The following LIMCH1 variants were observed in gnomAD, a reference collection of about 807,000 sequenced individuals.
LIMCH1 encodes LIM and calponin homology domains 1, also known as LIM and calponin homology domains-containing protein 1.
Under a neutral mutation model 176.5 loss-of-function variants are expected in LIMCH1, and 113 were observed. The observed-to-expected ratio is 0.64, with a 90% CI of 0.55 to 0.75. The LOEUF (loss-of-function observed/expected upper bound fraction) is 0.75. LIMCH1 is among the 30% of genes least tolerant of loss of function. The probability of loss-of-function intolerance (pLI) is 0.00; values close to 1 mark genes in which losing one functional copy is unlikely to be tolerated. For synonymous variants in LIMCH1, 619 were observed against 645.9 expected, an observed-to-expected ratio of 0.96 and a Z score of 0.63; for missense variants, 1,674 against 1,814.9, an observed-to-expected ratio of 0.92 and a Z score of 1.41.
intron 1 of LIMCH1, among the ~76,000 whole-genome samples, chr4:41,376,857 A>G (rs2054842714): frequency 6.6e-6 from 1 of 152,160 alleles, no homozygotes; most frequent in South Asian, 2.1e-4. Flanking sequence ...GGGGTGATGG[A>G]AATGTTCTGG....
At chr4:41,494,723 C>T in intron 2 of LIMCH1, 2 of 682,080 alleles carry the variant, frequency 2.9e-6, no homozygotes, top group Non-Finnish European at 4.9e-6. Flanking sequence ...GAATCTGAAA[C>T]TCAAAAAATC....
chr4:41,630,521 A>G (rs896997954), intron 9 of LIMCH1, among the ~76,000 whole-genome samples: 3 of 152,208 alleles, frequency 2.0e-5, no homozygotes, highest in African/African-American at 7.2e-5. Flanking sequence ...AGATTTTCTT[A>G]TGCCCTTGTT....
chr4:41,361,369 C>A (rs2154090304), intron 1 of LIMCH1, among the ~76,000 whole-genome samples: 1 of 152,310 alleles, frequency 6.6e-6, no homozygotes, highest in East Asian at 1.9e-4. Flanking sequence ...CACATTTCGC[C>A]CCTTGTCCCC....
intron 1 of LIMCH1, among the ~76,000 whole-genome samples, chr4:41,391,900 C>T (rs1169289539): frequency 1.3e-5 from 2 of 152,144 alleles, no homozygotes; most frequent in Admixed American, 6.5e-5. Context: ...GATAAATGCA[C>T]TATGGTTAGA....
intron 2 of LIMCH1, among the ~76,000 whole-genome samples, chr4:41,518,533 T>A (rs1215504381): frequency 2.0e-5 from 3 of 152,218 alleles, no homozygotes; most frequent in African/African-American, 7.2e-5. Flanking sequence ...AATTGGAACA[T>A]TAGCATCATT....
At chr4:41,588,092 C>T (rs1369100289) in intron 1 of LIMCH1, among the ~76,000 whole-genome samples, 1 of 151,984 alleles carries the variant, frequency 6.6e-6, no homozygotes, top group African/African-American at 2.4e-5. Context: ...CCCTTCCCCC[C>T]ACCCCACAAC....
In LIMCH1 at chr4:41,632,842, C is replaced by T. The variant is rs77334594; in HGVS notation, c.1695C>T (p.Gly565=). Reference sequence around the variant, plus strand: ...AGGAAGAGTGGGTCTGCAGTTTGGGCGAGTGCCCGAGGGGGACAGAGGAAG... The same window carrying T: ...AGGAAGAGTGGGTCTGCAGTTTGGGTGAGTGCCCGAGGGGGACAGAGGAAG... ...ESQEEWVCSL[G]ECPRGTEEVT... is the part of the protein sequence containing the mutation. Residue 565 remains glycine (G), a synonymous_variant, in exon 11 of 32, where the codon GGC becomes GGT. Coordinates refer to ENST00000503057, the MANE Select transcript of LIMCH1 (RefSeq NM_001330672.2). 6,081 of 1,536,116 alleles carry T rather than the reference C, an allele frequency of 4.0e-3. 388 individuals are homozygous for T. The East Asian group carries it at 0.13, about 32-fold the overall frequency.
At chr4:41,434,759 C>T (rs572248534) in intron 1 of LIMCH1, among the ~76,000 whole-genome samples, 5 of 152,310 alleles carry the variant, frequency 3.3e-5, no homozygotes, top group Admixed American at 6.5e-5. Flanking sequence ...TCAGATGATC[C>T]GCCAGTCTTG....
At chr4:41,475,346 G>A (rs976570919) in intron 1 of LIMCH1, among the ~76,000 whole-genome samples, 1 of 152,184 alleles carries the variant, frequency 6.6e-6, no homozygotes, top group African/African-American at 2.4e-5. Context: ...TTGGAGCACT[G>A]CAATTGGATT....
At chr4:41,461,312 C>T (rs904247646) in intron 1 of LIMCH1, among the ~76,000 whole-genome samples, 26 of 152,178 alleles carry the variant, frequency 1.7e-4, no homozygotes, top group African/African-American at 6.3e-4. Flanking sequence ...TTCTCTCACT[C>T]GAGTCCTAGA....
intron 1 of LIMCH1, among the ~76,000 whole-genome samples, chr4:41,578,569 A>G (rs139604813): frequency 1.3e-5 from 2 of 152,274 alleles, no homozygotes; most frequent in African/African-American, 2.4e-5. Context: ...ATTCTTATTC[A>G]TCTTGGCCAA....
intron 1 of LIMCH1, among the ~76,000 whole-genome samples, chr4:41,590,037 T>C (rs1273745300): frequency 1.3e-5 from 2 of 152,164 alleles, no homozygotes; most frequent in Non-Finnish European, 2.9e-5. Flanking sequence ...AGAGAGGTGC[T>C]CATATCTTCC....
chr4:41,513,534 T>C (rs557755047), intron 2 of LIMCH1, among the ~76,000 whole-genome samples: 1 of 152,292 alleles, frequency 6.6e-6, no homozygotes, highest in South Asian at 2.1e-4. Flanking sequence ...AACTCCTAAC[T>C]CTTCTTTAGA....
intron 3 of LIMCH1, among the ~76,000 whole-genome samples, chr4:41,532,683 C>T (rs1001801896): frequency 9.9e-5 from 15 of 152,174 alleles, no homozygotes; most frequent in Non-Finnish European, 2.2e-4. Flanking sequence ...GTGCTTGGAT[C>T]AGACCAATAA....
intron 1 of LIMCH1, among the ~76,000 whole-genome samples, chr4:41,414,793 A>T (rs1359667859): frequency 6.6e-6 from 1 of 152,204 alleles, no homozygotes; most frequent in African/African-American, 2.4e-5. Flanking sequence ...GGGTCTCAAT[A>T]TATAAAGAAT....
chr4:41,361,053 C>A, intron 1 of LIMCH1: 1 of 604,884 alleles, frequency 1.7e-6, no homozygotes, highest in Non-Finnish European at 2.7e-6. Flanking sequence ...TTTCTTTTGC[C>A]AGCTGCTCCA....
At chr4:41,667,111 T>A (rs930693033) in intron 21 of LIMCH1, among the ~76,000 whole-genome samples, 3 of 151,596 alleles carry the variant, frequency 2.0e-5, no homozygotes, top group African/African-American at 4.9e-5. Flanking sequence ...AAAAAAAAAA[T>A]TTGTATTATC....
Position 41,680,958 on chromosome 4 carries a change from C to T in LIMCH1, c.3616C>T (p.Arg1206Cys), listed in dbSNP as rs779618581. The change falls in exon 25 of 32, where the codon CGT becomes TGT. Residue 1206 changes from arginine (R) to cysteine (C), a missense_variant. Physicochemically the swap from Arg to Cys is radical, Grantham distance 180. This residue lies in a region of LIMCH1 where 1,015 missense variants were observed against 1,102.5 expected (regional missense o/e 0.92). Coordinates refer to ENST00000503057, the MANE Select transcript of LIMCH1 (RefSeq NM_001330672.2). Reference protein sequence around the residue: ...EEERRYYEEERKIIEDTVVPF... With the variant: ...EEERRYYEEECKIIEDTVVPF... ...CGATTCCTGTCCTTCCCCTTAGGAG[C>T]GTAAGATAATTGAAGACACTGTGGT... is the stretch of plus-strand genomic sequence containing the variant. 8.3e-6 allele frequency: 13 copies of T among 1,572,062 alleles called. No homozygotes were observed. In the Admixed American group the frequency reaches 1.2e-4, roughly 14 times the overall value.
At chr4:41,657,882 G>T (rs2094506165) in intron 18 of LIMCH1, among the ~76,000 whole-genome samples, 3 of 152,090 alleles carry the variant, frequency 2.0e-5, no homozygotes, top group Non-Finnish European at 4.4e-5. Flanking sequence ...AGAGATTCCA[G>T]GAGAGTTCTA....
Sources: gnomAD v4.1 joint callset for allele counts (sites outside exome capture counted in the v4.1 genomes callset) on GRCh38, gnomAD v4.1.1 for gene constraint, gnomAD v4.1.1 regional missense constraint, MANE v1.5 for transcripts, NCBI Gene and HGNC (gene_info 2026-07-23, HGNC 2026-07-21) for gene names.